The following MTCL2 variants were observed in gnomAD, a reference collection of about 807,000 sequenced individuals.
The protein encoded by MTCL2 is microtubule cross-linking factor 2.
the MTCL2 span, among the ~76,000 whole-genome samples, chr20:36,838,627 G>A: frequency 3.9e-5 from 6 of 152,116 alleles, no homozygotes; most frequent in East Asian, 3.9e-4. Flanking sequence ...GGAACTGTGC[G>A]GGGACAATTA....
the MTCL2 span, chr20:36,812,568 A>T: frequency 8.5e-7 from 1 of 1,180,348 alleles, no homozygotes; most frequent in Non-Finnish European, 1.1e-6. Context: ...CTTGGCTGCC[A>T]AGAAGCCTGG....
chr20:36,857,559 G>T, the MTCL2 span, among the ~76,000 whole-genome samples: 1 of 152,128 alleles, frequency 6.6e-6, no homozygotes, highest in African/African-American at 2.4e-5. Flanking sequence ...GTATGCCCAG[G>T]GACACAGGCT....
chr20:36,802,952 G>A, the MTCL2 span: 2 of 1,580,554 alleles, frequency 1.3e-6, no homozygotes, highest in Non-Finnish European at 1.7e-6. Context: ...CCTGGCTCCA[G>A]TTGCGCTCAC....
the MTCL2 span, among the ~76,000 whole-genome samples, chr20:36,841,874 G>GGGTGTGT: frequency 3.6e-4 from 40 of 110,866 alleles, no homozygotes; most frequent in African/African-American, 1.2e-3. Context: ...TGGGGGGTGG[G>GGGTGTGT]GTGTGTGTGT....
the MTCL2 span, among the ~76,000 whole-genome samples, chr20:36,831,637 G>A: frequency 6.6e-6 from 1 of 152,110 alleles, no homozygotes; most frequent in East Asian, 1.9e-4. Flanking sequence ...TCCCTGCACT[G>A]CCACTGCCTG....
the MTCL2 span, among the ~76,000 whole-genome samples, chr20:36,860,454 C>T: frequency 1.3e-5 from 2 of 152,146 alleles, no homozygotes; most frequent in African/African-American, 4.8e-5. Context: ...CCAGATCTGC[C>T]CTAGCACACG....
At chr20:36,828,922 T>C in the MTCL2 span, 5 of 956,272 alleles carry the variant, frequency 5.2e-6, no homozygotes, top group African/African-American at 1.7e-5. Context: ...AATGAATGAA[T>C]AAACAACCTT....
chr20:36,825,737 C>T, the MTCL2 span, among the ~76,000 whole-genome samples: 1 of 152,166 alleles, frequency 6.6e-6, no homozygotes, highest in African/African-American at 2.4e-5. Context: ...GCTCAGGGAC[C>T]CTCGTCTCCA....
chr20:36,862,352 G>A, the MTCL2 span, among the ~76,000 whole-genome samples: 2 of 152,182 alleles, frequency 1.3e-5, no homozygotes, highest in African/African-American at 4.8e-5. Flanking sequence ...TCCCTTCCCT[G>A]GCTACCCACC....
chr20:36,777,788 G>A, the MTCL2 span: 1 of 611,122 alleles, frequency 1.6e-6, no homozygotes, highest in Non-Finnish European at 2.9e-6. Flanking sequence ...AGTATTGGCG[G>A]GGGCTGGGGA....
the MTCL2 span, among the ~76,000 whole-genome samples, chr20:36,845,023 AAAAG>A: frequency 4.8e-3 from 732 of 151,640 alleles, 5 homozygotes; most frequent in African/African-American, 0.016. Context: ...AAAAAAAAAA[AAAAG>A]AAGAAGAAGA....
chr20:36,814,939 T>C, the MTCL2 span, among the ~76,000 whole-genome samples: 1 of 152,068 alleles, frequency 6.6e-6, no homozygotes, highest in African/African-American at 2.4e-5. Context: ...TGCTCACTTG[T>C]AGTCCCAGGT....
chr20:36,803,726 C>T, the MTCL2 span, among the ~76,000 whole-genome samples: 1 of 151,692 alleles, frequency 6.6e-6, no homozygotes, highest in Non-Finnish European at 1.5e-5. Context: ...GAGGCTGAGG[C>T]CGGCAGATCA....
chr20:36,812,591 T>G, the MTCL2 span: 5 of 1,363,506 alleles, frequency 3.7e-6, no homozygotes, highest in Non-Finnish European at 4.9e-6. Context: ...CCAAATGGAA[T>G]GCCCCAAACC....
chr20:36,851,358 C>T, the MTCL2 span, among the ~76,000 whole-genome samples: 5 of 152,164 alleles, frequency 3.3e-5, no homozygotes, highest in Non-Finnish European at 7.4e-5. Flanking sequence ...TCATCACATA[C>T]AAAAGAAAAC....
chr20:36,812,801 C>G, the MTCL2 span: 12 of 1,613,304 alleles, frequency 7.4e-6, no homozygotes, highest in South Asian at 1.3e-4. Flanking sequence ...GAAAGCCTCT[C>G]GGATCCTGGG....
the MTCL2 span, among the ~76,000 whole-genome samples, chr20:36,858,461 AAAACACACACACACAC>A: frequency 0.14 from 5,736 of 42,072 alleles, 994 homozygotes; most frequent in African/African-American, 0.16. Context: ...CCAAGGAGGG[AAAACACACACACACAC>A]ACACACACAC....
At chr20:36,790,679 C>A in the MTCL2 span, among the ~76,000 whole-genome samples, 3 of 151,614 alleles carry the variant, frequency 2.0e-5, no homozygotes, top group East Asian at 5.8e-4. Context: ...TCAGGCAATC[C>A]ACCTGCCTCG....
At chr20:36,797,757 T>C in the MTCL2 span, among the ~76,000 whole-genome samples, 4 of 152,006 alleles carry the variant, frequency 2.6e-5, no homozygotes, top group Non-Finnish European at 5.9e-5. Flanking sequence ...ATTTGGAAAA[T>C]GATAATAAAA....
Sources: gnomAD v4.1 joint callset for allele counts (sites outside exome capture counted in the v4.1 genomes callset) on GRCh38, gnomAD v4.1.1 for gene constraint, MANE v1.5 for transcripts, NCBI Gene and HGNC (gene_info 2026-07-23, HGNC 2026-07-21) for gene names.